The following ZNF25 variants were observed in gnomAD, a reference collection of about 807,000 sequenced individuals.
ZNF25 encodes zinc finger protein 25 (KOX 19).
A neutral mutation model predicts 30.9 loss-of-function variants in ZNF25; 21 were observed. The observed-to-expected ratio is 0.68, with a 90% CI of 0.48 to 0.98. ZNF25 has a LOEUF of 0.98. Among genes scored for constraint, ZNF25 ranks in the 50% least tolerant of loss-of-function variants. The probability of loss-of-function intolerance (pLI) is 0.00; values close to 1 mark genes in which losing one functional copy is unlikely to be tolerated. For synonymous variants in ZNF25, 169 were observed against 181.3 expected (o/e 0.93, Z 0.55); for missense variants, 501 against 529.9 (o/e 0.95, Z 0.54).
intron 1 of ZNF25, among the ~76,000 whole-genome samples, chr10:37,972,937 G>A (rs2063575740): frequency 6.6e-6 from 1 of 152,110 alleles, no homozygotes; most frequent in Non-Finnish European, 1.5e-5. Context: ...GGAGGCCAAG[G>A]TGGGTGAATC....
At chr10:37,955,131 G>A (rs570297887) in intron 4 of ZNF25, among the ~76,000 whole-genome samples, 163 of 151,532 alleles carry the variant, frequency 1.1e-3, no homozygotes, top group Middle Eastern at 3.4e-3. Flanking sequence ...GCCAGCCTGC[G>A]CAACAGAGTG....
intron 1 of ZNF25, among the ~76,000 whole-genome samples, chr10:37,976,159 G>T (rs542472950): frequency 9.2e-5 from 14 of 152,334 alleles, no homozygotes; most frequent in African/African-American, 3.4e-4. Context: ...GCGTCGAGCC[G>T]CACTGGGACC....
intron 1 of ZNF25, among the ~76,000 whole-genome samples, chr10:37,975,378 A>C (rs1435748662): frequency 1.1e-5 from 1 of 88,774 alleles, no homozygotes; most frequent in Non-Finnish European, 2.2e-5. Context: ...AAATATGTAC[A>C]TTATGTACCA....
chr10:37,961,761 A>G (rs1194082337), intron 2 of ZNF25, among the ~76,000 whole-genome samples: 1 of 151,032 alleles, frequency 6.6e-6, no homozygotes, highest in Non-Finnish European at 1.5e-5. Flanking sequence ...GTCTCTATTA[A>G]AAATACAAAA....
intron 2 of ZNF25, among the ~76,000 whole-genome samples, chr10:37,969,744 T>C (rs1226138237): frequency 6.6e-6 from 1 of 152,226 alleles, no homozygotes; most frequent in Non-Finnish European, 1.5e-5. Context: ...TACAATTGTA[T>C]ACTTTTAAAT....
intron 2 of ZNF25, among the ~76,000 whole-genome samples, chr10:37,961,343 A>C (rs1185489670): frequency 6.6e-6 from 1 of 152,204 alleles, no homozygotes; most frequent in African/African-American, 2.4e-5. Context: ...ATTCTATTTC[A>C]GCAATTAAGA....
chr10:37,961,019 C>G (rs2062839541), intron 2 of ZNF25, among the ~76,000 whole-genome samples: 1 of 152,066 alleles, frequency 6.6e-6, no homozygotes, highest in African/African-American at 2.4e-5. Flanking sequence ...TTGTTAAGGA[C>G]AGAAGGATGA....
intron 2 of ZNF25, among the ~76,000 whole-genome samples, chr10:37,959,105 T>C (rs1046857500): frequency 1.3e-5 from 2 of 152,192 alleles, no homozygotes; most frequent in African/African-American, 2.4e-5. Flanking sequence ...AAAACACAAA[T>C]AGATATTCTG....
At position 37,951,249 on chromosome 10, in the gene ZNF25, T is replaced by C. The variant is rs1214783449; in HGVS notation, c.*878A>G. 1 of 152,312 alleles carries C rather than the reference T, an allele frequency of 6.6e-6. No homozygotes were observed. Among genetic ancestry groups the C allele is most frequent in the Non-Finnish European group, 1.5e-5 (1 of 68,036 alleles). The allele number at this position is 152,312 out of a possible 1,614,324, so 9.4% of individuals were successfully genotyped here. The stretch of plus-strand genomic sequence containing the variant: ...CACTACTGAGACTTAATGTGCAACA[T>C]CTTCATACACATAATAGTTACTGAA... On this transcript the variant is annotated 3_prime_UTR_variant, in exon 6 of 6. Transcript: ENST00000302609.
intron 1 of ZNF25, among the ~76,000 whole-genome samples, 185 bp from the exon 2 acceptor site, chr10:37,971,992 T>C (rs907271128): frequency 1.3e-5 from 2 of 152,238 alleles, no homozygotes; most frequent in East Asian, 3.8e-4. Context: ...TCTTTCCTAT[T>C]GGTTGCTTTG....
At chr10:37,954,305 C>A (rs1232587943) in intron 4 of ZNF25, among the ~76,000 whole-genome samples, 1 of 152,176 alleles carries the variant, frequency 6.6e-6, no homozygotes, top group Admixed American at 6.5e-5. Flanking sequence ...CCATCCACAG[C>A]AATCTAGGTG....
chr10:37,957,221 G>A, intron 3 of ZNF25, 106 bp from the exon 4 acceptor site: 1 of 1,336,658 alleles, frequency 7.5e-7, no homozygotes. Context: ...TTCCAGTTAG[G>A]CTTGGCAAAT....
rs1320694670 is a variant in ZNF25, at chr10:37,952,887, C to T, written c.611G>A (p.Cys204Tyr). The T allele has an allele frequency of 5.0e-6, 8 of 1,614,016 alleles. No individual in the cohort carries two copies. The highest frequency in any genetic ancestry group is 2.7e-5 in the African/African-American group (2 of 74,928). The change falls in exon 6 of 6, where the codon TGT (cysteine) becomes TAT (tyrosine). Residue 204 changes from cysteine to tyrosine, a missense_variant. By Grantham distance (194) the Cys-to-Tyr change is radical (BLOSUM62 -2). Coordinates refer to ENST00000302609, the MANE Select transcript of ZNF25 (RefSeq NM_145011.4). ...GTAGAAGGATTTTTCACACTGATTA[C>T]ATTCATAGGGTTTCTCTCCTGCATG... ...RTHAGEKPYE[C>Y]NQCEKSFYQK...
intron 1 of ZNF25, among the ~76,000 whole-genome samples, chr10:37,972,377 T>C (rs2063538566): frequency 1.3e-5 from 2 of 152,184 alleles, no homozygotes; most frequent in South Asian, 4.1e-4. Context: ...AACTTAGTGA[T>C]TGTCTTAGTT....
chr10:37,953,504 T>C, intron 5 of ZNF25, 191 bp downstream of exon 5: 1 of 630,436 alleles, frequency 1.6e-6, no homozygotes, highest in South Asian at 2.0e-5. Flanking sequence ...ACTTCAAAGT[T>C]TCAATCTCCC....
At chr10:37,955,815 C>T (rs959773531) in intron 4 of ZNF25, among the ~76,000 whole-genome samples, 4 of 152,098 alleles carry the variant, frequency 2.6e-5, no homozygotes, top group African/African-American at 9.7e-5. Context: ...TCCCGAATAG[C>T]TGGGACTACA....
chr10:37,969,085 C>T (rs553278225), intron 2 of ZNF25, among the ~76,000 whole-genome samples: 2 of 152,242 alleles, frequency 1.3e-5, no homozygotes, highest in Admixed American at 1.3e-4. Flanking sequence ...AATACCACTT[C>T]ACCCCCCCAC....
intron 2 of ZNF25, among the ~76,000 whole-genome samples, chr10:37,966,990 G>A (rs2063221396): frequency 6.6e-6 from 1 of 152,072 alleles, no homozygotes; most frequent in South Asian, 2.1e-4. Flanking sequence ...AGAAAGGATG[G>A]AAAAAGGCAT....
chr10:37,976,301 C>T (rs1199979407), intron 1 of ZNF25, among the ~76,000 whole-genome samples: 2 of 152,210 alleles, frequency 1.3e-5, no homozygotes, highest in African/African-American at 2.4e-5. Flanking sequence ...CACTGCCCAG[C>T]ACCGCAGGCC....
Sources: gnomAD v4.1 joint callset for allele counts (sites outside exome capture counted in the v4.1 genomes callset) on GRCh38, gnomAD v4.1.1 for gene constraint, MANE v1.5 for transcripts, NCBI Gene and HGNC (gene_info 2026-07-23, HGNC 2026-07-21) for gene names.